The following NOL11 variants were observed in gnomAD, a reference collection of about 807,000 sequenced individuals.
The protein encoded by NOL11 is nucleolar protein 11.
Under a neutral mutation model 93.0 loss-of-function variants are expected in NOL11, and 42 were observed. That is an observed-to-expected ratio of 0.45 (90% CI 0.35 to 0.58). NOL11 has a LOEUF of 0.58. Among genes scored for constraint, NOL11 ranks in the 20% least tolerant of loss-of-function variants. The pLI, the probability that NOL11 is intolerant of heterozygous loss-of-function variation, is 0.00. For missense variants in NOL11, 775 were observed against 841.8 expected (o/e 0.92, Z 0.98); for synonymous variants, 296 against 293.7 (o/e 1.01, Z -0.08).
At chr17:67,719,866 G>A in intron 2 of NOL11, 40 bp from the exon 3 acceptor site, 1 of 1,525,074 alleles carries the variant, frequency 6.6e-7, no homozygotes, top group Non-Finnish European at 9.0e-7. Flanking sequence ...TATGTAAATG[G>A]AGAATAGGAT....
intron 7 of NOL11, among the ~76,000 whole-genome samples, chr17:67,728,094 A>G (rs2055116003): frequency 6.6e-6 from 1 of 151,982 alleles, no homozygotes. Flanking sequence ...CCCCGTCTCC[A>G]CTAAAAATAC....
At chr17:67,738,890 T>C in intron 14 of NOL11, 42 bp from the exon 15 acceptor site, 2 of 1,242,388 alleles carry the variant, frequency 1.6e-6, no homozygotes, top group Non-Finnish European at 2.3e-6. Flanking sequence ...TTCAATAGAA[T>C]AGCTTCTATT....
chr17:67,719,735 C>T lies in NOL11; in HGVS notation c.203C>T (p.Pro68Leu), dbSNP rs888157785. ...SVKQGQIITCPAVCNFQTGEY... is the reference protein window; with the variant it reads ...SVKQGQIITCLAVCNFQTGEY... ...AAACAAGGTCAAATTATAACATGTC[C>T]AGCTGTGTGCAACTTTCAAACTGGA... Residue 68 changes from proline to leucine, a missense_variant, in exon 2 of 18, where the codon CCA becomes CTA. By Grantham distance (98) the Pro-to-Leu change is moderately conservative. Coordinates refer to ENST00000253247, the MANE Select transcript of NOL11 (RefSeq NM_015462.5). 1.9e-6 allele frequency: 3 copies of T among 1,610,516 alleles called. No homozygotes were observed. The highest frequency in any genetic ancestry group is 2.5e-6 in the Non-Finnish European group (3 of 1,178,940).
Position 67,719,721 on chromosome 17 carries a change from A to T in NOL11, c.189A>T (p.Gln63His), listed in dbSNP as rs201484850. 4.3e-5 allele frequency: 70 copies of T among 1,610,594 alleles called. No individual in the cohort carries two copies. Among genetic ancestry groups the T allele is most frequent in the Non-Finnish European group, 7.6e-6 (9 of 1,178,906 alleles). ...GGAGCTGGTCAGTGAAACAAGGTCA[A>T]ATTATAACATGTCCAGCTGTGTGCA... Reference protein sequence around the residue: ...PLGSWSVKQGQIITCPAVCNF... With the variant: ...PLGSWSVKQGHIITCPAVCNF... The change falls in exon 2 of 18, where the codon CAA becomes CAT. Residue 63 changes from glutamine (Q) to histidine (H), a missense_variant. Transcript: ENST00000253247.
chr17:67,721,267 A>T, intron 3 of NOL11, 111 bp from the exon 4 acceptor site: 1 of 639,006 alleles, frequency 1.6e-6, no homozygotes, highest in Non-Finnish European at 2.5e-6. Flanking sequence ...AAGCAAAATT[A>T]ATTCAAAATG....
chr17:67,741,050 C>A lies in NOL11; in HGVS notation c.1935+1442C>A, dbSNP rs943417108. 3.3e-5 allele frequency among the ~76,000 whole-genome samples: 5 copies of A among 152,136 alleles called. 1 individual carries two copies. In the East Asian group the frequency reaches 9.6e-4, roughly 29 times the overall value. On this transcript the variant is annotated intron_variant, in intron 16 of 17. Transcript: ENST00000253247. Reference sequence around the variant, plus strand: ...TAGCTGGGACTGCTGGTACATGCCACCACACCACATGAAAATACAATTTTT... The same window carrying A: ...TAGCTGGGACTGCTGGTACATGCCAACACACCACATGAAAATACAATTTTT...
chr17:67,743,756 C>T lies in NOL11; in HGVS notation c.2057C>T (p.Ser686Phe). 2 of 1,520,214 alleles carry T rather than the reference C, an allele frequency of 1.3e-6. No homozygotes were observed. The highest frequency in any genetic ancestry group is 1.8e-6 in the Non-Finnish European group (2 of 1,130,548). The allele number at this position is 1,520,214 out of a possible 1,614,324, so 94.2% of individuals were successfully genotyped here. The part of the protein sequence containing the change: ...KLVKSQISVY[S>F]ELNKIEVSFR... ...TCTTTTCTTTAGATATCTGTTTATT[C>T]TGAGCTCAACAAGATTGAAGTAAGT... is the stretch of plus-strand genomic sequence containing the variant. Residue 686 changes from serine to phenylalanine, a missense_variant, in exon 18 of 18, where the codon TCT becomes TTT. Physicochemically the swap from Ser to Phe is radical, Grantham distance 155. Transcript: ENST00000253247.
Position 67,736,755 on chromosome 17 carries a change from G to C in NOL11, c.1143+1G>C. On this transcript the variant is annotated splice_donor_variant, in intron 10 of 17. Coordinates refer to ENST00000253247, the MANE Select transcript of NOL11 (RefSeq NM_015462.5). LOFTEE classifies it high-confidence loss of function. ...GAACTCAGAGCAGTCAAGAAGAATT[G>C]TAAGTTTCGTAGTTGAAATTGAAAC... The C allele has an allele frequency of 6.3e-7, 1 of 1,599,982 alleles. No individual in the cohort carries two copies. Among genetic ancestry groups the C allele is most frequent in the Non-Finnish European group, 8.6e-7 (1 of 1,169,278 alleles).
intron 16 of NOL11, 63 bp from the exon 17 acceptor site, chr17:67,743,416 G>T (rs1298078027): frequency 4.2e-6 from 3 of 712,698 alleles, no homozygotes; most frequent in Non-Finnish European, 7.2e-6. Flanking sequence ...TATGGACTTT[G>T]TAAAGTGAAT....
chr17:67,726,886 A>G (rs781078651), intron 7 of NOL11: 14 of 352,946 alleles, frequency 4.0e-5, no homozygotes, highest in Non-Finnish European at 5.6e-5. Flanking sequence ...TATGTCATAA[A>G]GAAATAAAAA....
At position 67,726,632 on chromosome 17, in the gene NOL11, A is replaced by G. The variant is rs141435960; in HGVS notation, c.837A>G (p.Pro279=). 3.7e-6 allele frequency: 6 copies of G among 1,603,230 alleles called. No homozygotes were observed. Among genetic ancestry groups the G allele is most frequent in the African/African-American group, 1.3e-5 (1 of 74,394 alleles). The stretch of plus-strand genomic sequence containing the variant: ...ATCACGTCGCAGTCCTAGGAAGTCC[A>G]CTAGCAGCTTCTAAGGGTAACTGAC... ...DQDHVAVLGS[P]LAASKECLSV... Residue 279 remains proline, a synonymous_variant, in exon 7 of 18, where the codon CCA becomes CCG. Transcript: ENST00000253247.
rs1342695789 is a variant in NOL11, at chr17:67,726,586, C to T, written c.791C>T (p.Ala264Val). ...VVSGNARNGVALTALDQDHVA... is the reference protein window; with the variant it reads ...VVSGNARNGVVLTALDQDHVA... ...TCTGGTAACGCTCGAAATGGAGTTG[C>T]ACTCACTGCCCTGGATCAGGATCAC... The change falls in exon 7 of 18, where the codon GCA (alanine) becomes GTA (valine). Residue 264 changes from alanine (A) to valine (V), a missense_variant. Coordinates refer to ENST00000253247, the MANE Select transcript of NOL11 (RefSeq NM_015462.5). The T allele has an allele frequency of 6.2e-7, 1 of 1,614,022 alleles. No homozygotes were observed. The highest frequency in any genetic ancestry group is 1.7e-5 in the Admixed American group (1 of 59,964).
At position 67,719,716 on chromosome 17, in the gene NOL11, G is replaced by A. The variant is rs1358066546; in HGVS notation, c.184G>A (p.Gly62Ser). Reference sequence around the variant, plus strand: ...CTTGGGGAGCTGGTCAGTGAAACAAGGTCAAATTATAACATGTCCAGCTGT... The same window carrying A: ...CTTGGGGAGCTGGTCAGTGAAACAAAGTCAAATTATAACATGTCCAGCTGT... ...KPLGSWSVKQ[G>S]QIITCPAVCN... is the part of the protein sequence containing the mutation. The change falls in exon 2 of 18, where the codon GGT becomes AGT. Residue 62 changes from glycine to serine, a missense_variant. Transcript: ENST00000253247. 1.1e-5 allele frequency: 18 copies of A among 1,610,172 alleles called. No homozygotes were observed. Among genetic ancestry groups the A allele is most frequent in the East Asian group, 2.2e-5 (1 of 44,788 alleles).
intron 6 of NOL11, among the ~76,000 whole-genome samples, chr17:67,725,012 C>A (rs992150134): frequency 5.9e-5 from 9 of 152,204 alleles, no homozygotes; most frequent in Middle Eastern, 3.4e-3. Context: ...GAGCTGAGAT[C>A]GTGCCAGTAC....
At chr17:67,737,744 T>C (rs1195204059) in intron 12 of NOL11, 52 bp downstream of exon 12, 6 of 1,583,994 alleles carry the variant, frequency 3.8e-6, no homozygotes, top group Non-Finnish European at 5.1e-6. Flanking sequence ...CTGACCTTGT[T>C]TTTTATAGTT....
Position 67,726,396 on chromosome 17 carries a change from A to G in NOL11, c.665-64A>G, listed in dbSNP as rs2055093365. On this transcript the variant is annotated intron_variant, in intron 6 of 17. Coordinates refer to ENST00000253247, the MANE Select transcript of NOL11 (RefSeq NM_015462.5). Reference sequence around the variant, plus strand: ...TAAAATCTTATAAACAACCTAGTACATTTAACTGTAATAGATATAGAAGTA... The same window carrying G: ...TAAAATCTTATAAACAACCTAGTACGTTTAACTGTAATAGATATAGAAGTA... 16 of 1,355,952 alleles carry G rather than the reference A, an allele frequency of 1.2e-5. 1 individual carries two copies. The South Asian group carries it at 1.9e-4, about 16-fold the overall frequency. The allele number at this position is 1,355,952 out of a possible 1,614,324, so 84.0% of individuals were successfully genotyped here.
intron 7 of NOL11, among the ~76,000 whole-genome samples, chr17:67,733,431 G>A (rs1181534907): frequency 1.3e-5 from 2 of 152,150 alleles, no homozygotes; most frequent in African/African-American, 4.8e-5. Flanking sequence ...TTGAATAGCA[G>A]TGGTGAAAAT....
intron 16 of NOL11, among the ~76,000 whole-genome samples, chr17:67,741,008 C>T (rs934722660): frequency 2.0e-5 from 3 of 152,274 alleles, no homozygotes; most frequent in South Asian, 4.1e-4. Flanking sequence ...GCAGTCCTCC[C>T]CACTTACCCT....
chr17:67,738,762 A>AG, intron 14 of NOL11, 170 bp from the exon 15 acceptor site: 1 of 564,600 alleles, frequency 1.8e-6, no homozygotes, highest in Non-Finnish European at 3.1e-6. Context: ...TACCAATTAA[A>AG]GTATTCCACA....
Sources: gnomAD v4.1 joint callset for allele counts (sites outside exome capture counted in the v4.1 genomes callset) on GRCh38, gnomAD v4.1.1 for gene constraint, MANE v1.5 for transcripts, NCBI Gene and HGNC (gene_info 2026-07-23, HGNC 2026-07-21) for gene names.